MAPK8IP3: variants seen among roughly 807,000 people sequenced by gnomAD.
MAPK8IP3 encodes C-Jun-amino-terminal kinase-interacting protein 3.
Under a neutral mutation model 157.8 loss-of-function variants are expected in MAPK8IP3, and 49 were observed. The ratio of observed to expected loss-of-function variants is 0.31; its 90% CI spans 0.25 to 0.39. MAPK8IP3 has a LOEUF of 0.39. MAPK8IP3 is among the 10% of genes least tolerant of loss of function. MAPK8IP3 has a pLI of 1.00. For synonymous variants in MAPK8IP3, 897 were observed against 777.7 expected (o/e 1.15, Z -2.55); for missense variants, 1,478 against 1,889.4 (o/e 0.78, Z 4.04).
chr16:1,727,379 C>T (rs769822626), intron 2 of MAPK8IP3, among the ~76,000 whole-genome samples: 2 of 151,924 alleles, frequency 1.3e-5, no homozygotes, highest in Admixed American at 6.6e-5. Context: ...GTGTTATTTA[C>T]CATGTGTGTT....
At chr16:1,725,023 G>T (rs2038776010) in intron 2 of MAPK8IP3, among the ~76,000 whole-genome samples, 1 of 152,120 alleles carries the variant, frequency 6.6e-6, no homozygotes, top group South Asian at 2.1e-4. Flanking sequence ...CTGCTGAGGA[G>T]TGATGGCTCC....
chr16:1,740,318 G>A (rs986344653), intron 4 of MAPK8IP3, among the ~76,000 whole-genome samples: 4 of 148,786 alleles, frequency 2.7e-5, no homozygotes, highest in East Asian at 2.0e-4. Flanking sequence ...GTGATCATCC[G>A]TAACCGTGTA....
intron 4 of MAPK8IP3, among the ~76,000 whole-genome samples, chr16:1,733,813 C>T (rs908636053): frequency 3.9e-5 from 6 of 152,224 alleles, no homozygotes; most frequent in African/African-American, 1.4e-4. Flanking sequence ...GAAGAAGCCC[C>T]TCGATCATTT....
At chr16:1,768,038 C>G in intron 28 of MAPK8IP3, 31 bp from the exon 29 acceptor site, 1 of 1,612,224 alleles carries the variant, frequency 6.2e-7, no homozygotes, top group South Asian at 1.1e-5. Context: ...GACCGCTCTC[C>G]TCTTCTCCCA....
intron 8 of MAPK8IP3, among the ~76,000 whole-genome samples, chr16:1,756,649 C>G (rs1041440404): frequency 5.4e-4 from 80 of 149,030 alleles, no homozygotes; most frequent in African/African-American, 1.9e-3. Context: ...CACACACACA[C>G]ACACACACAC....
chr16:1,713,281 G>C (rs763239531), intron 1 of MAPK8IP3, among the ~76,000 whole-genome samples: 5 of 152,158 alleles, frequency 3.3e-5, no homozygotes, highest in Non-Finnish European at 7.3e-5. Context: ...ATGAGGTCTC[G>C]CCACGTTGCC....
chr16:1,766,498 G>T, intron 22 of MAPK8IP3, 31 bp from the exon 23 acceptor site: 2 of 1,606,954 alleles, frequency 1.2e-6, no homozygotes. Flanking sequence ...GTGCTCCGTG[G>T]CCCCCCCTGG....
Position 1,724,021 on chromosome 16 carries a change from A to G in MAPK8IP3, c.319-536A>G, listed in dbSNP as rs1228370409. The stretch of plus-strand genomic sequence containing the variant: ...GGTGTCCTGAGCTGAGCTGCAACTG[A>G]CATGCAGAAAAGTAGGCTCAACCTT... On this transcript the variant is annotated intron_variant, in intron 1 of 31. Transcript: ENST00000610761. The surrounding 1 kb of genome is among the most constrained non-coding windows in gnomAD (Gnocchi z 4.1). 6.6e-6 allele frequency among the ~76,000 whole-genome samples: 1 copy of G among 152,140 alleles called. No homozygotes were observed. Among genetic ancestry groups the G allele is most frequent in the Non-Finnish European group, 1.5e-5 (1 of 68,020 alleles).
chr16:1,758,831 C>A (rs1429121207), intron 9 of MAPK8IP3, 147 bp from the exon 10 acceptor site: 1 of 769,602 alleles, frequency 1.3e-6, no homozygotes, highest in East Asian at 2.7e-5. Context: ...TAACTCCCTC[C>A]TGCACCCACC....
chr16:1,737,653 C>T (rs1396655292), intron 4 of MAPK8IP3, among the ~76,000 whole-genome samples: 3 of 60,642 alleles, frequency 4.9e-5, no homozygotes, highest in African/African-American at 1.4e-4. Context: ...TGTGACTGTC[C>T]GTGTGAGCGT....
chr16:1,739,006 CCATCCATGTGAG>C (rs1304149039), intron 4 of MAPK8IP3, among the ~76,000 whole-genome samples: 2 of 123,262 alleles, frequency 1.6e-5, no homozygotes, highest in Non-Finnish European at 3.3e-5. Context: ...GTGTGTGTGA[CCATCCATGTGAG>C]CATCTGTGTG....
chr16:1,724,717 C>T lies in MAPK8IP3; in HGVS notation c.439+40C>T, dbSNP rs114993319. The T allele has an allele frequency of 4.3e-3, 6,953 of 1,599,584 alleles. 249 individuals carry two copies. In the African/African-American group the frequency reaches 0.079, roughly 18 times the overall value. On this transcript the variant is annotated intron_variant, in intron 2 of 31. Transcript: ENST00000610761. This position sits in a 1 kb window ranked among gnomAD's most constrained non-coding sequence, Gnocchi z 4.1. ...GGAGCCTGGAGGCGCGCTTGATGGG[C>T]GCTGCTCTGGGACGGCTCTGGTTGG... is the stretch of plus-strand genomic sequence containing the variant.
chr16:1,734,277 G>T (rs968153342), intron 4 of MAPK8IP3, among the ~76,000 whole-genome samples: 6 of 152,260 alleles, frequency 3.9e-5, no homozygotes, highest in African/African-American at 1.4e-4. Flanking sequence ...TGCTCCATGG[G>T]GGCGACAGAG....
Position 1,729,602 on chromosome 16 carries a change from A to C in MAPK8IP3, c.602+24A>C, listed in dbSNP as rs2039153130. On this transcript the variant is annotated intron_variant, in intron 4 of 31. Transcript: ENST00000610761. ...AGGTACGCGGGGCGCGGCGGGGTGGAGGTACGCGGGGCGCGGCGGGGCGGA... is the reference window on the plus strand; with the variant it reads ...AGGTACGCGGGGCGCGGCGGGGTGGCGGTACGCGGGGCGCGGCGGGGCGGA... 6 of 1,573,608 alleles carry C rather than the reference A, an allele frequency of 3.8e-6. No individual in the cohort carries two copies. In the African/African-American group the frequency reaches 6.7e-5, roughly 18 times the overall value.
chr16:1,746,536 G>A (rs1005516862), intron 5 of MAPK8IP3: 2 of 163,860 alleles, frequency 1.2e-5, no homozygotes, highest in African/African-American at 4.8e-5. Context: ...TGAGCCCGGG[G>A]AGGAACGTGG....
Position 1,747,118 on chromosome 16 carries a change from C to G in MAPK8IP3, c.837C>G (p.Ser279=), listed in dbSNP as rs778711500. The G allele has an allele frequency of 6.8e-6, 11 of 1,613,866 alleles. No homozygotes were observed. Among genetic ancestry groups the G allele is most frequent in the Non-Finnish European group, 9.3e-6 (11 of 1,179,962 alleles). The change falls in exon 6 of 32, where the codon TCC becomes TCG. Residue 279 remains serine, a synonymous_variant. Transcript: ENST00000610761. Reference sequence around the variant, plus strand: ...GCACCAAGTCCAACACGCCCACATCCTCCGTGCCCTCGGCCGCCGTCACAC... The same window carrying G: ...GCACCAAGTCCAACACGCCCACATCGTCCGTGCCCTCGGCCGCCGTCACAC... The part of the protein sequence containing the change: ...TTGTKSNTPT[S]SVPSAAVTPL...
intron 1 of MAPK8IP3, among the ~76,000 whole-genome samples, chr16:1,709,196 C>T (rs2037594140): frequency 1.3e-5 from 2 of 152,166 alleles, no homozygotes; most frequent in South Asian, 2.1e-4. Context: ...ATCTTCTTGC[C>T]GGTCATTACC....
At chr16:1,736,551 TGTGA>T (rs2039862825) in intron 4 of MAPK8IP3, among the ~76,000 whole-genome samples, 1 of 81,538 alleles carries the variant, frequency 1.2e-5, no homozygotes, top group African/African-American at 5.1e-5. Flanking sequence ...CGTGTGAGCG[TGTGA>T]CTGTCCGTGT....
At chr16:1,733,517 C>A (rs988435050) in intron 4 of MAPK8IP3, among the ~76,000 whole-genome samples, 9 of 152,244 alleles carry the variant, frequency 5.9e-5, no homozygotes, top group African/African-American at 2.2e-4. Flanking sequence ...GCAAGGAGTA[C>A]TTCGTCCTGC....
Sources: gnomAD v4.1 joint callset for allele counts (sites outside exome capture counted in the v4.1 genomes callset) on GRCh38, gnomAD v4.1.1 for gene constraint, Gnocchi (gnomAD v3.1) non-coding constraint, MANE v1.5 for transcripts, NCBI Gene and HGNC (gene_info 2026-07-23, HGNC 2026-07-21) for gene names.